Variants in PRKN observed in about 807,000 individuals in gnomAD.
The protein encoded by PRKN is parkin RBR E3 ubiquitin protein ligase, also known as E3 ubiquitin-protein ligase parkin.
PRKN carries 56 observed loss-of-function variants against 59.5 expected under a neutral mutation model. The observed-to-expected ratio is 0.94, with a 90% CI of 0.76 to 1.18. PRKN has a LOEUF of 1.18. Among genes scored for constraint, PRKN ranks in the 50% most tolerant of loss-of-function variants. The pLI, the probability that PRKN is intolerant of heterozygous loss-of-function variation, is 0.00. For missense variants in PRKN, 657 were observed against 596.4 expected (o/e 1.10, Z -1.06); for synonymous variants, 250 against 222.1 (o/e 1.13, Z -1.12).
intron 7 of PRKN, among the ~76,000 whole-genome samples, chr6:161,589,783 T>G (rs1781650676): frequency 6.7e-6 from 1 of 150,088 alleles, no homozygotes; most frequent in Admixed American, 6.6e-5. Flanking sequence ...AAATTCTTTT[T>G]TTTTTTTTTT....
At chr6:162,487,216 C>T (rs147461706) in intron 1 of PRKN, among the ~76,000 whole-genome samples, 88 of 152,242 alleles carry the variant, frequency 5.8e-4, no homozygotes, top group African/African-American at 2.0e-3. Flanking sequence ...AGGGTTATTC[C>T]TGGGGTCAGC....
chr6:162,535,110 TC>T (rs1778664946), intron 1 of PRKN, among the ~76,000 whole-genome samples: 1 of 151,980 alleles, frequency 6.6e-6, no homozygotes, highest in South Asian at 2.1e-4. Flanking sequence ...AAGCCCAGGG[TC>T]TCCAAGATCT....
rs971456504 is a variant in PRKN at position 161,554,001 on chromosome 6, G to A, written c.934-4998C>T. On this transcript the variant is annotated intron_variant, in intron 8 of 11. Transcript: ENST00000366898. The surrounding 1 kb of genome is among the most constrained non-coding windows in gnomAD (Gnocchi z 4.5). ...TAAAAATTTCAAGACCATAAATTGGGTGCTAGGCATGTTCAGTGCTCCTAA... is the reference window on the plus strand; with the variant it reads ...TAAAAATTTCAAGACCATAAATTGGATGCTAGGCATGTTCAGTGCTCCTAA... Among the ~76,000 whole-genome samples the A allele has an allele frequency of 1.3e-5, 2 of 152,168 alleles. No homozygotes were observed. Among genetic ancestry groups the A allele is most frequent in the East Asian group, 3.9e-4 (2 of 5,188 alleles).
At chr6:161,994,045 A>G (rs1352096541) in intron 5 of PRKN, among the ~76,000 whole-genome samples, 5 of 152,212 alleles carry the variant, frequency 3.3e-5, no homozygotes, top group African/African-American at 1.2e-4. Flanking sequence ...TGAAATTTCA[A>G]CATAAGATTT....
chr6:161,351,469 C>T (rs112844252), intron 11 of PRKN, among the ~76,000 whole-genome samples: 2,877 of 151,842 alleles, frequency 0.019, 91 homozygotes, highest in African/African-American at 0.066. Context: ...GGATTACAGG[C>T]GCCCACCAAC....
intron 3 of PRKN, among the ~76,000 whole-genome samples, chr6:162,202,677 T>A (rs185795174): frequency 2.5e-4 from 38 of 152,182 alleles, no homozygotes; most frequent in Non-Finnish European, 1.2e-4. Context: ...ATGTTTCACA[T>A]GTAATATACA....
chr6:161,748,526 C>G (rs997066917), intron 7 of PRKN, among the ~76,000 whole-genome samples: 5 of 152,122 alleles, frequency 3.3e-5, no homozygotes, highest in Non-Finnish European at 1.5e-5. Context: ...TCTATAGGGT[C>G]TGGTTCGCCT....
intron 1 of PRKN, among the ~76,000 whole-genome samples, chr6:162,672,263 G>A (rs559176042): frequency 6.6e-6 from 1 of 152,116 alleles, no homozygotes; most frequent in Non-Finnish European, 1.5e-5. Context: ...GTGCTTCCTG[G>A]AAATTTCATT....
intron 1 of PRKN, among the ~76,000 whole-genome samples, chr6:162,670,739 T>C (rs1441498495): frequency 6.6e-6 from 1 of 152,182 alleles, no homozygotes; most frequent in Non-Finnish European, 1.5e-5. Flanking sequence ...TTATTAAAAC[T>C]AAGGGGAAAA....
rs543493259 is a variant in PRKN, at chr6:161,483,642, T to G, written c.1083+65212A>C. The stretch of plus-strand genomic sequence containing the variant: ...CTACATTAATGCCCCTCATCCCCAA[T>G]AGAGAGCACATTGGTAGCTCAAATA... On this transcript the variant is annotated intron_variant, in intron 9 of 11. Coordinates refer to ENST00000366898, the MANE Select transcript of PRKN (RefSeq NM_004562.3). The surrounding 1 kb of genome is among the most constrained non-coding windows in gnomAD (Gnocchi z 5.0). 9.9e-5 allele frequency among the ~76,000 whole-genome samples: 15 copies of G among 152,266 alleles called. No individual in the cohort carries two copies. In the East Asian group the frequency reaches 2.5e-3, roughly 26 times the overall value.
chr6:161,814,310 C>CT (rs1382751458), intron 6 of PRKN, among the ~76,000 whole-genome samples: 1 of 152,176 alleles, frequency 6.6e-6, no homozygotes, highest in African/African-American at 2.4e-5. Flanking sequence ...AAGCATAACT[C>CT]TTGGAAGTCA....
rs190171221 is a variant in PRKN at position 161,372,597 on chromosome 6, C to T, written c.1168-12392G>A. Among the ~76,000 whole-genome samples the T allele has an allele frequency of 3.3e-3, 502 of 152,228 alleles. 4 individuals are homozygous for T. Among genetic ancestry groups the T allele is most frequent in the African/African-American group, 0.012 (481 of 41,522 alleles). On this transcript the variant is annotated intron_variant, in intron 10 of 11. Coordinates refer to ENST00000366898, the MANE Select transcript of PRKN (RefSeq NM_004562.3). This position sits in a 1 kb window ranked among gnomAD's most constrained non-coding sequence, Gnocchi z 4.2. ...AACAATCCCTGCCTTGTGGAGCTTC[C>T]CCATTAGCAGAACGGCGGCTCTCAG...
chr6:161,366,705 C>G (rs978410608), intron 10 of PRKN, among the ~76,000 whole-genome samples: 13 of 152,170 alleles, frequency 8.5e-5, no homozygotes, highest in Non-Finnish European at 1.5e-4. Flanking sequence ...GCTTCAGCCA[C>G]TCATACACTG....
intron 7 of PRKN, among the ~76,000 whole-genome samples, chr6:161,667,534 C>T (rs1428948017): frequency 6.6e-6 from 1 of 152,168 alleles, no homozygotes; most frequent in Non-Finnish European, 1.5e-5. Flanking sequence ...TGTTAATATC[C>T]TTGTTAGAGG....
intron 9 of PRKN, among the ~76,000 whole-genome samples, chr6:161,416,719 C>T (rs921919423): frequency 2.0e-5 from 3 of 152,090 alleles, no homozygotes; most frequent in Non-Finnish European, 4.4e-5. Context: ...TAATATGGGC[C>T]AGAAAGGATG....
At chr6:161,694,929 G>A (rs1785953891) in intron 7 of PRKN, among the ~76,000 whole-genome samples, 1 of 152,110 alleles carries the variant, frequency 6.6e-6, no homozygotes, top group Non-Finnish European at 1.5e-5. Context: ...ATCTCCTGGT[G>A]GGCATTCACT....
At chr6:161,589,625 A>G (rs1271733925) in intron 7 of PRKN, among the ~76,000 whole-genome samples, 1 of 151,946 alleles carries the variant, frequency 6.6e-6, no homozygotes, top group Non-Finnish European at 1.5e-5. Flanking sequence ...TGTGTATGTA[A>G]TTCCAAAGGA....
At chr6:162,336,312 C>T (rs944374345) in intron 2 of PRKN, among the ~76,000 whole-genome samples, 1 of 152,120 alleles carries the variant, frequency 6.6e-6, no homozygotes, top group East Asian at 1.9e-4. Context: ...GTCACACTCT[C>T]AATGCCAATT....
intron 1 of PRKN, among the ~76,000 whole-genome samples, chr6:162,680,860 G>A (rs938307697): frequency 1.3e-5 from 2 of 152,060 alleles, no homozygotes; most frequent in Non-Finnish European, 2.9e-5. Context: ...CACAAAAGGA[G>A]ATATTTAATA....
Sources: gnomAD v4.1 joint callset for allele counts (sites outside exome capture counted in the v4.1 genomes callset) on GRCh38, gnomAD v4.1.1 for gene constraint, Gnocchi (gnomAD v3.1) non-coding constraint, MANE v1.5 for transcripts, NCBI Gene and HGNC (gene_info 2026-07-23, HGNC 2026-07-21) for gene names.